The following SLC6A13 variants were observed in gnomAD, a reference collection of about 807,000 sequenced individuals.
SLC6A13 encodes the protein solute carrier family 6 member 13, also known as sodium- and chloride-dependent GABA transporter 2.
SLC6A13 carries 69 observed loss-of-function variants against 72.9 expected under a neutral mutation model. The observed-to-expected ratio is 0.95, with a 90% CI of 0.78 to 1.16. The LOEUF is 1.16. SLC6A13 is among the 50% of genes most tolerant of loss of function. SLC6A13 has a pLI of 0.00. For synonymous variants in SLC6A13, 303 were observed against 303.0 expected (o/e 1.00, Z 0.00); for missense variants, 735 against 760.5 (o/e 0.97, Z 0.39).
At chr12:241,625 C>G (rs570244664) in intron 4 of SLC6A13, among the ~76,000 whole-genome samples, 3 of 152,120 alleles carry the variant, frequency 2.0e-5, no homozygotes, top group Admixed American at 2.0e-4. Flanking sequence ...TGGGACTGCC[C>G]GTGAAAGGTA....
intron 2 of SLC6A13, among the ~76,000 whole-genome samples, chr12:248,129 G>A (rs534047288): frequency 1.8e-4 from 27 of 152,190 alleles, no homozygotes; most frequent in Non-Finnish European, 3.1e-4. Context: ...ATGGATAATC[G>A]TATTAAATGC....
chr12:244,923 CCTT>C (rs1461035346), intron 2 of SLC6A13, among the ~76,000 whole-genome samples: 4 of 152,318 alleles, frequency 2.6e-5, no homozygotes, highest in Admixed American at 6.5e-5. Flanking sequence ...TAATCTGTCT[CCTT>C]CTGTTTTTAT....
In SLC6A13 at chr12:221,073, G is replaced by T. The variant is rs1367680432; in HGVS notation, c.1687-3C>A. 1.9e-6 allele frequency: 3 copies of T among 1,596,226 alleles called. No homozygotes were observed. The South Asian group carries it at 3.4e-5, about 18-fold the overall frequency. On this transcript the variant is annotated splice_region_variant and splice_polypyrimidine_tract_variant and intron_variant, in intron 14 of 14. Transcript: ENST00000343164. Reference sequence around the variant, plus strand: ...GGGCACATGAGCTGACGGATTCTCTGCGGGGATAGCAGAGGTGGCTGTCAG... The same window carrying T: ...GGGCACATGAGCTGACGGATTCTCTTCGGGGATAGCAGAGGTGGCTGTCAG...
chr12:250,830 CCCCAAAAAAAA>C (rs1942507456), intron 2 of SLC6A13, among the ~76,000 whole-genome samples: 1 of 4,612 alleles, frequency 2.2e-4, no homozygotes, highest in Admixed American at 9.7e-4. Flanking sequence ...CAAAATAGCC[CCCCAAAAAAAA>C]AAAAAAAAAA....
intron 2 of SLC6A13, among the ~76,000 whole-genome samples, chr12:249,783 C>A (rs952918112): frequency 2.6e-5 from 4 of 151,998 alleles, no homozygotes; most frequent in African/African-American, 9.7e-5. Context: ...ATAATAAAAG[C>A]AGACAAATAC....
intron 12 of SLC6A13, among the ~76,000 whole-genome samples, chr12:222,903 G>C (rs1028754259): frequency 6.6e-6 from 1 of 152,200 alleles, no homozygotes; most frequent in African/African-American, 2.4e-5. Context: ...GCAGGATACT[G>C]GCCCACCTGA....
At chr12:242,267 T>C (rs575024097) in intron 4 of SLC6A13, among the ~76,000 whole-genome samples, 1 of 152,166 alleles carries the variant, frequency 6.6e-6, no homozygotes, top group African/African-American at 2.4e-5. Flanking sequence ...AATTGCAAGT[T>C]TGAAAGACCT....
At chr12:262,612 G>A (rs1942963546) in intron 1 of SLC6A13, 177 bp downstream of exon 1, 8 of 850,028 alleles carry the variant, frequency 9.4e-6, no homozygotes, top group Non-Finnish European at 1.1e-5. Flanking sequence ...AGCCACCCAA[G>A]TTTCAGAAAG....
chr12:250,953 G>A lies in SLC6A13; in HGVS notation c.203-7140C>T, dbSNP rs574198246. Among the ~76,000 whole-genome samples the A allele has an allele frequency of 9.2e-5, 14 of 151,446 alleles. No individual in the cohort carries two copies. The East Asian group carries it at 2.3e-3, about 25-fold the overall frequency. Reference sequence around the variant, plus strand: ...GGGTGGATCACGAGGTCAGGAGATCGAGACCATCCTGGCCAACACGGTGAA... The same window carrying A: ...GGGTGGATCACGAGGTCAGGAGATCAAGACCATCCTGGCCAACACGGTGAA... On this transcript the variant is annotated intron_variant, in intron 2 of 14. Coordinates refer to ENST00000343164, the MANE Select transcript of SLC6A13 (RefSeq NM_016615.5).
chr12:229,599 C>T (rs554422506), intron 7 of SLC6A13, among the ~76,000 whole-genome samples: 1 of 152,226 alleles, frequency 6.6e-6, no homozygotes, highest in African/African-American at 2.4e-5. Context: ...GACCAATGCA[C>T]GTCTCCTGGG....
At position 224,478 on chromosome 12, in the gene SLC6A13, C is replaced by T; in HGVS notation, c.1096G>A (p.Val366Met). The change falls in exon 10 of 15, where the codon GTG (valine) becomes ATG (methionine). Residue 366 changes from valine (V) to methionine (M), a missense_variant. Transcript: ENST00000343164. ...AGAGGAGAGAAGGGCAGCATCACCA[C>T]AGCCCGCGGGTAAGCGATGAAAGCC... ...GLAFIAYPRA[V>M]VMLPFSPLWA... is the part of the protein sequence containing the mutation. 6.2e-7 allele frequency: 1 copy of T among 1,614,144 alleles called. No homozygotes were observed. Among genetic ancestry groups the T allele is most frequent in the Non-Finnish European group, 8.5e-7 (1 of 1,180,038 alleles).
intron 2 of SLC6A13, among the ~76,000 whole-genome samples, chr12:252,427 G>A (rs964696615): frequency 1.3e-5 from 2 of 152,122 alleles, no homozygotes; most frequent in African/African-American, 4.8e-5. Flanking sequence ...TTGTGGCAGT[G>A]GTTTCATGCG....
chr12:223,429 A>AT (rs199904434), intron 11 of SLC6A13, among the ~76,000 whole-genome samples, 195 bp from the exon 12 acceptor site: 5 of 132,284 alleles, frequency 3.8e-5, no homozygotes, highest in Non-Finnish European at 7.5e-5. Context: ...TATTTTTATT[A>AT]TTTTTTGGGA....
At chr12:247,364 C>A (rs1942392889) in intron 2 of SLC6A13, among the ~76,000 whole-genome samples, 1 of 151,820 alleles carries the variant, frequency 6.6e-6, no homozygotes, top group East Asian at 1.9e-4. Context: ...TATGTACAGA[C>A]AAAGATAAGA....
chr12:240,521 G>C (rs769889477), intron 4 of SLC6A13, among the ~76,000 whole-genome samples: 1 of 152,208 alleles, frequency 6.6e-6, no homozygotes, highest in Non-Finnish European at 1.5e-5. Context: ...TAATAAAACA[G>C]ATCTTTAAAC....
chr12:261,934 GA>G (rs5795911), intron 1 of SLC6A13, among the ~76,000 whole-genome samples: 36,842 of 136,770 alleles, frequency 0.27, 4,604 homozygotes, highest in East Asian at 0.46. Context: ...TCAAAAAAAA[GA>G]AAAAAAAAAA....
intron 2 of SLC6A13, among the ~76,000 whole-genome samples, chr12:247,676 A>C (rs899791679): frequency 2.0e-5 from 3 of 152,244 alleles, no homozygotes; most frequent in Non-Finnish European, 4.4e-5. Flanking sequence ...CTTTAGAAAT[A>C]GTAATTACAT....
At chr12:222,139 G>A (rs779583501) in intron 13 of SLC6A13, among the ~76,000 whole-genome samples, 2 of 152,202 alleles carry the variant, frequency 1.3e-5, no homozygotes, top group African/African-American at 4.8e-5. Flanking sequence ...ACTCTTGTGA[G>A]GATTAAATGA....
In SLC6A13 at chr12:226,510, A is replaced by T; in HGVS notation, c.940T>A (p.Cys314Ser). Residue 314 changes from cysteine (C) to serine (S), a missense_variant, in exon 9 of 15, where the codon TGC becomes AGC. Transcript: ENST00000343164. ...CTGTTGAGGAAGCAGAGGGCGATGC[A>T]GTCCCTGTGGGGCAGGGGTGAGGAG... is the stretch of plus-strand genomic sequence containing the variant. ...NKYHNNCYRDCIALCFLNSGT... is the reference protein window; with the variant it reads ...NKYHNNCYRDSIALCFLNSGT... 1 of 1,613,776 alleles carries T rather than the reference A, an allele frequency of 6.2e-7. No individual in the cohort carries two copies. Among genetic ancestry groups the T allele is most frequent in the Non-Finnish European group, 8.5e-7 (1 of 1,179,782 alleles).
Sources: allele counts gnomAD v4.1 joint callset (sites outside exome capture counted in the v4.1 genomes callset), GRCh38; gene constraint gnomAD v4.1.1; transcripts MANE v1.5; gene names NCBI Gene and HGNC (gene_info 2026-07-23, HGNC 2026-07-21).